Variants in TLK1 observed in about 807,000 individuals in gnomAD.
The protein encoded by TLK1 is tousled like kinase 1.
In TLK1, 24 loss-of-function variants were observed where a neutral mutation model predicts 105.3. That is an observed-to-expected ratio of 0.23 (90% CI 0.17 to 0.32). The LOEUF is 0.32. Among genes scored for constraint, TLK1 ranks in the 10% least tolerant of loss-of-function variants. The probability of loss-of-function intolerance (pLI) is 1.00; values close to 1 mark genes in which losing one functional copy is unlikely to be tolerated. For missense variants in TLK1, 558 were observed against 910.5 expected (o/e 0.61, Z 4.98); for synonymous variants, 321 against 310.4 (o/e 1.03, Z -0.36).
In TLK1 at chr2:171,063,812, T is replaced by C. The variant is rs115801214; in HGVS notation, c.331-2656A>G. Among the ~76,000 whole-genome samples, 474 of 152,284 alleles carry C rather than the reference T, an allele frequency of 3.1e-3. 3 individuals are homozygous for C. Among genetic ancestry groups the C allele is most frequent in the Middle Eastern group, 0.02 (6 of 294 alleles). Reference sequence around the variant, plus strand: ...GCAAGGCTTCTCAGAACCATCAAAATGCTAACATGCACTGGCTATCTCCAA... The same window carrying C: ...GCAAGGCTTCTCAGAACCATCAAAACGCTAACATGCACTGGCTATCTCCAA... On this transcript the variant is annotated intron_variant, in intron 3 of 20. Coordinates refer to ENST00000431350, the MANE Select transcript of TLK1 (RefSeq NM_012290.5).
At position 171,180,252 on chromosome 2, in the gene TLK1, C is replaced by T. The variant is rs56256684; in HGVS notation, c.-6+50893G>A. On this transcript the variant is annotated intron_variant, in intron 1 of 20. Coordinates refer to the TLK1 transcript ENST00000521943. ...AAAAAAATTGCCCCCCGGGTCCCTG[C>T]GTCTCAATAGGCAGTATTTGTCATC... Among the ~76,000 whole-genome samples, 1,212 of 151,750 alleles carry T rather than the reference C, an allele frequency of 8.0e-3. 15 individuals carry two copies. The highest frequency in any genetic ancestry group is 0.028 in the African/African-American group (1,168 of 41,386).
intron 3 of TLK1, among the ~76,000 whole-genome samples, chr2:171,072,164 T>C (rs1403268353): frequency 6.6e-6 from 1 of 152,236 alleles, no homozygotes; most frequent in East Asian, 1.9e-4. Context: ...GGGATTACAT[T>C]AAACCTATAG....
chr2:171,202,600 T>C (rs1482275431), intron 1 of TLK1, among the ~76,000 whole-genome samples: 3 of 150,526 alleles, frequency 2.0e-5, no homozygotes, highest in Non-Finnish European at 3.0e-5. Context: ...CTACTAAAAA[T>C]ACAAAAATTA....
intron 1 of TLK1, among the ~76,000 whole-genome samples, chr2:171,125,565 T>C (rs1405887699): frequency 1.3e-5 from 2 of 152,188 alleles, no homozygotes; most frequent in African/African-American, 2.4e-5. Flanking sequence ...AAATTTGTGG[T>C]ACACCAAACA....
At chr2:171,172,645 T>A (rs983473018) in intron 1 of TLK1, among the ~76,000 whole-genome samples, 5 of 152,086 alleles carry the variant, frequency 3.3e-5, no homozygotes, top group Non-Finnish European at 7.4e-5. Flanking sequence ...GAGACCTGGT[T>A]GTTTAAAAGT....
At chr2:171,122,167 T>C (rs568330106) in intron 1 of TLK1, among the ~76,000 whole-genome samples, 11 of 151,874 alleles carry the variant, frequency 7.2e-5, no homozygotes, top group East Asian at 1.9e-4. Context: ...GGATGCACCA[T>C]GTTGGCCAGG....
At chr2:171,097,442 T>G (rs1689497681) in intron 2 of TLK1, among the ~76,000 whole-genome samples, 1 of 152,098 alleles carries the variant, frequency 6.6e-6, no homozygotes, top group African/African-American at 2.4e-5. Flanking sequence ...ATCCCAAAAA[T>G]ATAGGCAACA....
At chr2:171,184,197 C>T (rs915997821) in intron 1 of TLK1, among the ~76,000 whole-genome samples, 2 of 152,188 alleles carry the variant, frequency 1.3e-5, no homozygotes, top group African/African-American at 4.8e-5. Flanking sequence ...AGGCAGGGAA[C>T]TAGGTTCTCA....
chr2:171,081,242 A>T lies in TLK1; in HGVS notation c.330+1539T>A, dbSNP rs1289153087. On this transcript the variant is annotated intron_variant, in intron 3 of 20. Coordinates refer to ENST00000431350, the MANE Select transcript of TLK1 (RefSeq NM_012290.5). The stretch of plus-strand genomic sequence containing the variant: ...TCCTCTGAAAAAATCCAAATATTAA[A>T]TCTATAACTTATATTTGGAATATGG... Among the ~76,000 whole-genome samples, 4 of 152,332 alleles carry T rather than the reference A, an allele frequency of 2.6e-5. No individual in the cohort carries two copies. In the East Asian group the frequency reaches 7.7e-4, roughly 29 times the overall value.
chr2:171,209,703 C>T (rs1030591933), intron 1 of TLK1, among the ~76,000 whole-genome samples: 1 of 151,976 alleles, frequency 6.6e-6, no homozygotes, highest in Non-Finnish European at 1.5e-5. Context: ...ATCCAATATG[C>T]CTGGAGTCCT....
At chr2:171,118,995 G>A (rs148374241) in intron 1 of TLK1, among the ~76,000 whole-genome samples, 1,895 of 152,206 alleles carry the variant, frequency 0.012, 16 homozygotes, top group Admixed American at 0.02. Flanking sequence ...AAAAAAAGAG[G>A]TAAATCCCTC....
Position 171,072,573 on chromosome 2 carries a change from C to A in TLK1, c.330+10208G>T, listed in dbSNP as rs183195050. ...AAGAGTTTGAGGCCAGCCTGGCCAA[C>A]ATGGTGAAACCCCATTTCTACTAAA... is the stretch of plus-strand genomic sequence containing the variant. On this transcript the variant is annotated intron_variant, in intron 3 of 20. Transcript: ENST00000431350. 1.5e-3 allele frequency among the ~76,000 whole-genome samples: 226 copies of A among 152,252 alleles called. 1 individual carries two copies. The highest frequency in any genetic ancestry group is 4.5e-3 in the African/African-American group (188 of 41,540).
chr2:171,069,004 A>G (rs1396550565), intron 3 of TLK1, among the ~76,000 whole-genome samples: 1 of 152,220 alleles, frequency 6.6e-6, no homozygotes, highest in Non-Finnish European at 1.5e-5. Context: ...ACTTGTGCTC[A>G]ATGCTTTAAA....
At chr2:171,224,505 G>T (rs985153831) in intron 1 of TLK1, among the ~76,000 whole-genome samples, 4 of 152,036 alleles carry the variant, frequency 2.6e-5, no homozygotes, top group African/African-American at 9.7e-5. Context: ...ACTTTAGACT[G>T]CTTTGTATAG....
intron 1 of TLK1, among the ~76,000 whole-genome samples, chr2:171,129,879 A>ACATAG (rs1691028893): frequency 6.6e-6 from 1 of 150,988 alleles, no homozygotes; most frequent in African/African-American, 2.5e-5. Context: ...ACATAACATA[A>ACATAG]CATAACATGG....
At position 170,993,678 on chromosome 2, in the gene TLK1, A is replaced by AG; in HGVS notation, c.*101_*102insC. ...TAACCACGTCTTGTGTAAAAAAAAA[A>AG]AAAAAAAAAAAAGAAAAAGAAAACA... On this transcript the variant is annotated 3_prime_UTR_variant, in exon 21 of 21. Transcript: ENST00000431350. 1.1e-6 allele frequency: 1 copy of AG among 905,098 alleles called. No homozygotes were observed. The highest frequency in any genetic ancestry group is 1.5e-6 in the Non-Finnish European group (1 of 671,080). 56.1% of individuals were successfully genotyped at this position (905,098 alleles called of 1,614,324 possible).
chr2:171,174,078 T>C (rs1480038330), intron 1 of TLK1, among the ~76,000 whole-genome samples: 1 of 152,224 alleles, frequency 6.6e-6, no homozygotes, highest in Non-Finnish European at 1.5e-5. Flanking sequence ...TCCTGGATTA[T>C]TCCAAAAGCT....
chr2:171,125,071 T>G (rs1312955295), intron 1 of TLK1, among the ~76,000 whole-genome samples: 7 of 152,184 alleles, frequency 4.6e-5, no homozygotes, highest in Non-Finnish European at 8.8e-5. Context: ...CTGGACATAA[T>G]TTTTTTGACT....
In TLK1 at chr2:170,993,748, T is replaced by C. The variant is rs549181628; in HGVS notation, c.*32A>G. On this transcript the variant is annotated 3_prime_UTR_variant, in exon 21 of 21. Transcript: ENST00000431350. Reference sequence around the variant, plus strand: ...ACTTAAGTGTGCATCTGGAAGCAAATTCAAAGATATCATGCCAATCTTGGA... The same window carrying C: ...ACTTAAGTGTGCATCTGGAAGCAAACTCAAAGATATCATGCCAATCTTGGA... 3 of 1,480,830 alleles carry C rather than the reference T, an allele frequency of 2.0e-6. No individual in the cohort carries two copies. In the East Asian group the frequency reaches 7.9e-5, roughly 39 times the overall value. 91.7% of individuals were successfully genotyped at this position (1,480,830 alleles called of 1,614,324 possible).
Sources: gnomAD v4.1 joint callset for allele counts (sites outside exome capture counted in the v4.1 genomes callset) on GRCh38, gnomAD v4.1.1 for gene constraint, MANE v1.5 for transcripts, NCBI Gene and HGNC (gene_info 2026-07-23, HGNC 2026-07-21) for gene names.